The following SCFD2 variants were observed in gnomAD, a reference collection of about 807,000 sequenced individuals.
SCFD2 encodes the protein sec1 family domain-containing protein 2.
SCFD2 carries 54 observed loss-of-function variants against 58.9 expected under a neutral mutation model. The observed-to-expected ratio is 0.92, with a 90% confidence interval of 0.74 to 1.15. The LOEUF (loss-of-function observed/expected upper bound fraction) is 1.15. Ranked by LOEUF, SCFD2 falls within the 50% of genes most tolerant of loss-of-function variation. The pLI is 0.00. For missense variants in SCFD2, 805 were observed against 836.6 expected, an observed-to-expected ratio of 0.96 and a Z score of 0.47; for synonymous variants, 321 against 335.9, an observed-to-expected ratio of 0.96 and a Z score of 0.49.
intron 4 of SCFD2, among the ~76,000 whole-genome samples, chr4:53,191,139 G>A (rs1419098383): frequency 6.6e-6 from 1 of 152,022 alleles, no homozygotes; most frequent in South Asian, 2.1e-4. Context: ...CTTGAGGTCA[G>A]GAGTTCAAGA....
intron 4 of SCFD2, among the ~76,000 whole-genome samples, chr4:53,153,435 A>C (rs1202310044): frequency 6.6e-6 from 1 of 152,188 alleles, no homozygotes; most frequent in Admixed American, 6.5e-5. Context: ...CCACAGCTGG[A>C]GCTGGAGTGG....
intron 2 of SCFD2, among the ~76,000 whole-genome samples, chr4:53,329,336 A>C (rs1733338956): frequency 6.6e-6 from 1 of 152,078 alleles, no homozygotes; most frequent in Non-Finnish European, 1.5e-5. Context: ...TGCAGACTTA[A>C]ATGTCCCTGT....
chr4:53,357,323 G>A (rs1419477905), intron 1 of SCFD2, among the ~76,000 whole-genome samples: 1 of 151,988 alleles, frequency 6.6e-6, no homozygotes, highest in Non-Finnish European at 1.5e-5. Context: ...CAGCCACTCA[G>A]GAGGCTGAGG....
At chr4:53,146,216 A>C (rs1307823611) in intron 4 of SCFD2, among the ~76,000 whole-genome samples, 2 of 152,166 alleles carry the variant, frequency 1.3e-5, no homozygotes, top group African/African-American at 4.8e-5. Context: ...TATCTTCCAC[A>C]ACTTCTCGAG....
intron 5 of SCFD2, among the ~76,000 whole-genome samples, chr4:52,936,879 A>G (rs988227275): frequency 6.6e-6 from 1 of 152,238 alleles, no homozygotes; most frequent in African/African-American, 2.4e-5. Flanking sequence ...TTGACTTTAA[A>G]TCAACTCATG....
intron 4 of SCFD2, among the ~76,000 whole-genome samples, chr4:53,180,047 T>C (rs186599422): frequency 8.1e-4 from 123 of 152,164 alleles, no homozygotes; most frequent in African/African-American, 2.8e-3. Context: ...CACACAATAA[T>C]AGTAGGAGAC....
chr4:53,327,518 G>A (rs1733244876), intron 2 of SCFD2, among the ~76,000 whole-genome samples: 1 of 152,172 alleles, frequency 6.6e-6, no homozygotes, highest in African/African-American at 2.4e-5. Context: ...TGCAGAAGCA[G>A]GCCAAACCAA....
intron 6 of SCFD2, among the ~76,000 whole-genome samples, chr4:52,917,615 G>T (rs999613472): frequency 6.6e-6 from 1 of 152,114 alleles, no homozygotes; most frequent in Non-Finnish European, 1.5e-5. Flanking sequence ...AGCTTCTGTG[G>T]TTGCCTCTTG....
chr4:53,017,751 C>T (rs1722248943), intron 5 of SCFD2, among the ~76,000 whole-genome samples: 1 of 152,162 alleles, frequency 6.6e-6, no homozygotes. Flanking sequence ...CTGCACTGAG[C>T]TCTGCCACCT....
At chr4:52,895,449 G>A (rs1415914849) in intron 7 of SCFD2, among the ~76,000 whole-genome samples, 1 of 151,994 alleles carries the variant, frequency 6.6e-6, no homozygotes, top group African/African-American at 2.4e-5. Flanking sequence ...GTGATACTTT[G>A]CTGAGAATGA....
intron 5 of SCFD2, among the ~76,000 whole-genome samples, chr4:52,958,250 G>A (rs1560493759): frequency 6.6e-6 from 1 of 152,188 alleles, no homozygotes; most frequent in Non-Finnish European, 1.5e-5. Context: ...TTTATTGCAA[G>A]GTTATGAACT....
chr4:53,135,031 A>C (rs1725896839), intron 5 of SCFD2, among the ~76,000 whole-genome samples: 1 of 152,210 alleles, frequency 6.6e-6, no homozygotes, highest in African/African-American at 2.4e-5. Context: ...ACTATTCTAC[A>C]TCACTAGTAA....
intron 4 of SCFD2, among the ~76,000 whole-genome samples, chr4:53,251,657 G>A (rs1299965484): frequency 6.6e-6 from 1 of 152,056 alleles, no homozygotes; most frequent in Non-Finnish European, 1.5e-5. Context: ...AATAGATGCA[G>A]AAAAGGCCTT....
At chr4:52,944,782 G>A (rs1473342087) in intron 5 of SCFD2, among the ~76,000 whole-genome samples, 1 of 152,188 alleles carries the variant, frequency 6.6e-6, no homozygotes. Flanking sequence ...GAGAGCTATA[G>A]GTAGGTGAAG....
chr4:53,177,235 A>C (rs143852914), intron 4 of SCFD2, among the ~76,000 whole-genome samples: 181 of 152,360 alleles, frequency 1.2e-3, no homozygotes, highest in African/African-American at 3.7e-3. Flanking sequence ...TCATATAAGC[A>C]GACAATGATA....
At chr4:53,214,371 A>G (rs1466355289) in intron 4 of SCFD2, among the ~76,000 whole-genome samples, 1 of 152,000 alleles carries the variant, frequency 6.6e-6, no homozygotes, top group Non-Finnish European at 1.5e-5. Flanking sequence ...ATGGTATCTC[A>G]TTGTGATTTT....
chr4:53,215,547 T>A (rs1237069129), intron 4 of SCFD2, among the ~76,000 whole-genome samples: 1 of 152,142 alleles, frequency 6.6e-6, no homozygotes, highest in Non-Finnish European at 1.5e-5. Context: ...GATTTTGGGC[T>A]GAGATGATGG....
intron 2 of SCFD2, among the ~76,000 whole-genome samples, chr4:53,346,979 G>T (rs1734075617): frequency 6.6e-6 from 1 of 152,120 alleles, no homozygotes; most frequent in African/African-American, 2.4e-5. Context: ...ACTGATATTT[G>T]TAGTAAGACA....
intron 4 of SCFD2, among the ~76,000 whole-genome samples, chr4:53,272,835 C>A (rs1453602743): frequency 2.0e-5 from 3 of 151,648 alleles, no homozygotes; most frequent in Non-Finnish European, 2.9e-5. Flanking sequence ...GCACATGTAC[C>A]CTAAAACTTA....
Sources: allele counts gnomAD v4.1 joint callset (sites outside exome capture counted in the v4.1 genomes callset), GRCh38; gene constraint gnomAD v4.1.1; transcripts MANE v1.5; gene names NCBI Gene and HGNC (gene_info 2026-07-23, HGNC 2026-07-21).